The following DOCK9 variants were observed in gnomAD, a reference collection of about 807,000 sequenced individuals.
DOCK9 encodes the protein dedicator of cytokinesis 9.
In DOCK9, 89 loss-of-function variants were observed where a neutral mutation model predicts 263.3. The observed-to-expected ratio is 0.34, with a 90% CI of 0.28 to 0.40. The LOEUF (loss-of-function observed/expected upper bound fraction) is 0.40, where lower values mean the gene tolerates loss of function less well. Ranked by LOEUF, DOCK9 falls within the 10% of genes least tolerant of loss-of-function variation. The pLI is 1.00. For synonymous variants in DOCK9, 976 were observed against 973.1 expected (o/e 1.00, Z -0.06); for missense variants, 2,140 against 2,603.4 (o/e 0.82, Z 3.87).
At chr13:98,894,957 CAAAAAAAAAAAAA>C (rs71114557) in intron 15 of DOCK9, among the ~76,000 whole-genome samples, 26 of 73,388 alleles carry the variant, frequency 3.5e-4, no homozygotes, top group Admixed American at 8.3e-4. Context: ...TACTAAAATA[CAAAAAAAAAAAAA>C]AAAAAAAAAA....
Position 98,837,476 on chromosome 13 carries a change from C to T in DOCK9, c.4314+18G>A. 1 of 1,571,284 alleles carries T rather than the reference C, an allele frequency of 6.4e-7. No individual in the cohort carries two copies. Among genetic ancestry groups the T allele is most frequent in the Non-Finnish European group, 8.8e-7 (1 of 1,142,412 alleles). On this transcript the variant is annotated intron_variant, in intron 39 of 52. Transcript: ENST00000682017. ...TGAAAGGTAAAACTAGAACCACGAACAGCAAATTGATACAAACCTTAAACG... is the reference window on the plus strand; with the variant it reads ...TGAAAGGTAAAACTAGAACCACGAATAGCAAATTGATACAAACCTTAAACG...
chr13:99,049,284 C>A (rs1045478624), intron 1 of DOCK9, among the ~76,000 whole-genome samples: 1 of 152,136 alleles, frequency 6.6e-6, no homozygotes, highest in Admixed American at 6.5e-5. Context: ...GAATATCTGG[C>A]CAAAAGGAGG....
At chr13:99,066,381 C>A (rs2041417837) in intron 1 of DOCK9, among the ~76,000 whole-genome samples, 1 of 152,176 alleles carries the variant, frequency 6.6e-6, no homozygotes, top group Non-Finnish European at 1.5e-5. Context: ...CCAGTACACA[C>A]AATCATTTCA....
Position 98,831,450 on chromosome 13 carries a change from C to T in DOCK9, c.4533G>A (p.Lys1511=). ...CYEILKCCNS[K]LSSIRTEASQ... ...AGGCCTCCGTCCTGATGGAGCTCAG[C>T]TTGGAGTTACAGCACTTGAGAATCT... Residue 1511 remains lysine (K), a synonymous_variant, in exon 41 of 53, where the codon AAG becomes AAA. Coordinates refer to ENST00000682017, the MANE Select transcript of DOCK9 (RefSeq NM_001366683.2). 6.3e-7 allele frequency: 1 copy of T among 1,597,956 alleles called. No individual in the cohort carries two copies.
intron 47 of DOCK9, 74 bp downstream of exon 47, chr13:98,809,278 G>GTTT: frequency 1.6e-6 from 2 of 1,274,340 alleles, no homozygotes; most frequent in South Asian, 2.8e-5. Flanking sequence ...CTTTATTATA[G>GTTT]TTTTTTTTTT....
intron 11 of DOCK9, 41 bp downstream of exon 11, chr13:98,902,931 C>G (rs2048512666): frequency 7.3e-7 from 1 of 1,376,680 alleles, no homozygotes; most frequent in Non-Finnish European, 9.4e-7. Flanking sequence ...AAACCTCTGC[C>G]TATTTTTTTT....
At chr13:99,079,692 T>C (rs2042050677) in intron 1 of DOCK9, among the ~76,000 whole-genome samples, 1 of 152,194 alleles carries the variant, frequency 6.6e-6, no homozygotes, top group South Asian at 2.1e-4. Context: ...AAGCCAAGGC[T>C]CACCTCCAAA....
rs373710937 is a variant in DOCK9, at chr13:98,888,499, C to T, written c.1838G>A (p.Ser613Asn). The T allele has an allele frequency of 1.4e-4, 224 of 1,613,862 alleles. No individual in the cohort carries two copies. Among genetic ancestry groups the T allele is most frequent in the Non-Finnish European group, 1.8e-4 (217 of 1,179,880 alleles). ...CACTTCAAACGTGATGGGAGTTTTA[C>T]TGCAGGTTTCAAATTGTTTTGTGGG... The part of the protein sequence containing the change: ...YIPTKQFETC[S>N]KTPITFEVEE... Residue 613 changes from serine to asparagine, a missense_variant, in exon 17 of 53, where the codon AGT (serine) becomes AAT (asparagine). Transcript: ENST00000682017.
chr13:98,910,922 T>G (rs2049909156), intron 9 of DOCK9, among the ~76,000 whole-genome samples: 1 of 151,978 alleles, frequency 6.6e-6, no homozygotes, highest in Non-Finnish European at 1.5e-5. Flanking sequence ...CCATCCTTCC[T>G]AATGGGATGA....
At chr13:98,946,147 A>G (rs1014194975) in intron 2 of DOCK9, among the ~76,000 whole-genome samples, 3 of 152,110 alleles carry the variant, frequency 2.0e-5, no homozygotes, top group African/African-American at 7.2e-5. Flanking sequence ...GATCACAGGG[A>G]CCCTTGGGCC....
chr13:98,923,890 C>T (rs1404885095), intron 4 of DOCK9, among the ~76,000 whole-genome samples: 1 of 152,148 alleles, frequency 6.6e-6, no homozygotes, highest in East Asian at 1.9e-4. Flanking sequence ...GGCCATTTAA[C>T]AGATGAGGAA....
intron 27 of DOCK9, among the ~76,000 whole-genome samples, chr13:98,870,053 C>A (rs1273858795): frequency 1.3e-5 from 2 of 152,248 alleles, no homozygotes; most frequent in Non-Finnish European, 2.9e-5. Flanking sequence ...CGAATTTAAA[C>A]CACTATTATT....
intron 1 of DOCK9, among the ~76,000 whole-genome samples, chr13:99,045,932 A>G (rs1301280350): frequency 8.8e-6 from 1 of 114,032 alleles, no homozygotes; most frequent in Non-Finnish European, 1.9e-5. Flanking sequence ...CTCTACTAAA[A>G]ATACAAAAAA....
At position 98,809,656 on chromosome 13, in the gene DOCK9, C is replaced by T. The variant is rs557438115; in HGVS notation, c.5254-191G>A. Among the ~76,000 whole-genome samples, 115 of 152,342 alleles carry T rather than the reference C, an allele frequency of 7.5e-4. 2 individuals carry two copies. The highest frequency in any genetic ancestry group is 2.7e-3 in the African/African-American group (112 of 41,576). On this transcript the variant is annotated intron_variant, in intron 46 of 52. Coordinates refer to ENST00000682017, the MANE Select transcript of DOCK9 (RefSeq NM_001366683.2). ...TTTCCTACCCAAAGGCCAGCCCACA[C>T]GTGAGGACCCATCACATTTCCACAT...
intron 1 of DOCK9, among the ~76,000 whole-genome samples, chr13:98,956,369 G>C (rs2058064460): frequency 6.6e-6 from 1 of 152,202 alleles, no homozygotes; most frequent in Non-Finnish European, 1.5e-5. Context: ...GACTGGGCTA[G>C]GTTAGGGATA....
chr13:98,992,031 A>C (rs1481957343), intron 1 of DOCK9, among the ~76,000 whole-genome samples: 2 of 151,990 alleles, frequency 1.3e-5, no homozygotes, highest in South Asian at 4.1e-4. Flanking sequence ...AGACCACCGC[A>C]TGTACACCTG....
At chr13:98,901,657 T>C in intron 13 of DOCK9, 121 bp downstream of exon 13, 1 of 1,164,526 alleles carries the variant, frequency 8.6e-7, no homozygotes, top group African/African-American at 1.5e-5. Flanking sequence ...GGTAGCATAT[T>C]CTACATCTTT....
chr13:98,996,135 C>T (rs1454233564), intron 1 of DOCK9, among the ~76,000 whole-genome samples: 1 of 152,112 alleles, frequency 6.6e-6, no homozygotes, highest in African/African-American at 2.4e-5. Context: ...AGGTATAGGC[C>T]TTCAGATGCA....
chr13:98,987,402 A>C (rs1180613381), intron 1 of DOCK9, among the ~76,000 whole-genome samples: 1 of 152,252 alleles, frequency 6.6e-6, no homozygotes, highest in Non-Finnish European at 1.5e-5. Flanking sequence ...GAGACGTTTA[A>C]TCAAACTCTG....
Sources: allele counts gnomAD v4.1 joint callset (sites outside exome capture counted in the v4.1 genomes callset), GRCh38; gene constraint gnomAD v4.1.1; transcripts MANE v1.5; gene names NCBI Gene and HGNC (gene_info 2026-07-23, HGNC 2026-07-21).